The following GBP4 variants were observed in gnomAD, a reference collection of about 807,000 sequenced individuals.
GBP4 encodes guanylate-binding protein 4.
GBP4 carries 69 observed loss-of-function variants against 62.2 expected under a neutral mutation model. The ratio of observed to expected loss-of-function variants is 1.11; its 90% CI spans 0.91 to 1.36. The LOEUF is 1.36. GBP4 is among the 40% of genes most tolerant of loss of function. GBP4 has a pLI of 0.00. For missense variants in GBP4, 697 were observed against 759.3 expected, an observed-to-expected ratio of 0.92 and a Z score of 0.96; for synonymous variants, 278 against 274.6, an observed-to-expected ratio of 1.01 and a Z score of -0.12.
In GBP4 at chr1:89,181,530, TATAAA is replaced by T. The variant is rs1403223568; in HGVS notation, c.*3719_*3723del. The T allele has an allele frequency of 3.3e-5, 5 of 152,152 alleles. No individual in the cohort carries two copies. The highest frequency in any genetic ancestry group is 7.2e-5 in the African/African-American group (3 of 41,440). 9.4% of individuals were successfully genotyped at this position (152,152 alleles called of 1,614,324 possible). A position where few individuals can be genotyped will look rare whatever the true frequency, so the allele number is the denominator to read the frequency against. On this transcript the variant is annotated 3_prime_UTR_variant, in exon 11 of 11. Transcript: ENST00000355754. ...ACATTTAGTATATTTACTAAATAGA[TATAAA>T]ATATATTTACTAACTATAAGTATAT...
chr1:89,187,105 G>A lies in GBP4; in HGVS notation c.1411-3C>T, dbSNP rs1457813540. On this transcript the variant is annotated splice_region_variant and splice_polypyrimidine_tract_variant and intron_variant, in intron 8 of 10. Transcript: ENST00000355754. Reference sequence around the variant, plus strand: ...AAGTTCTGGAGGACCTCGTTTGCCTGAGGAACCAAGAAAGAGCAAAGACCT... The same window carrying A: ...AAGTTCTGGAGGACCTCGTTTGCCTAAGGAACCAAGAAAGAGCAAAGACCT... The A allele has an allele frequency of 1.2e-6, 2 of 1,613,378 alleles. No individual in the cohort carries two copies. Among genetic ancestry groups the A allele is most frequent in the Non-Finnish European group, 8.5e-7 (1 of 1,179,488 alleles).
intron 3 of GBP4, 140 bp downstream of exon 3, chr1:89,195,157 G>A (rs1266629749): frequency 1.2e-6 from 1 of 820,016 alleles, no homozygotes. Flanking sequence ...AAATTAATAA[G>A]GAAGTCTGAG....
chr1:89,190,014 A>G lies in GBP4; in HGVS notation c.1197+24T>C, dbSNP rs369843962. 1.2e-4 allele frequency: 198 copies of G among 1,585,850 alleles called. No individual in the cohort carries two copies. In the Middle Eastern group the frequency reaches 1.4e-3, roughly 11 times the overall value. Reference sequence around the variant, plus strand: ...GCATCATTTCGGAAGGGCAGAAATCAGGAAGGATAAATGCTAAAAGTACCA... The same window carrying G: ...GCATCATTTCGGAAGGGCAGAAATCGGGAAGGATAAATGCTAAAAGTACCA... On this transcript the variant is annotated intron_variant, in intron 7 of 10. Transcript: ENST00000355754.
chr1:89,193,726 A>C (rs1218851845), intron 3 of GBP4, among the ~76,000 whole-genome samples: 1 of 152,210 alleles, frequency 6.6e-6, no homozygotes, highest in East Asian at 1.9e-4. Context: ...CTCATGGCAT[A>C]TTAAGGCCAC....
intron 3 of GBP4, among the ~76,000 whole-genome samples, chr1:89,195,059 A>T (rs999876892): frequency 7.2e-5 from 11 of 152,226 alleles, no homozygotes; most frequent in Non-Finnish European, 1.3e-4. Context: ...CCTGGAATTC[A>T]TCTCTTCAAT....
In GBP4 at chr1:89,192,953, G is replaced by C; in HGVS notation, c.621C>G (p.Asn207Lys). ...CCAGGTACTCATCTTCTGTGATGGGGTTTCCATCTAACTTTAGCTCCAGGG... is the reference window on the plus strand; with the variant it reads ...CCAGGTACTCATCTTCTGTGATGGGCTTTCCATCTAACTTTAGCTCCAGGG... ...DFTLELKLDG[N>K]PITEDEYLEN... Residue 207 changes from asparagine to lysine, a missense_variant, in exon 5 of 11, where the codon AAC (asparagine) becomes AAG (lysine). By Grantham distance (94) the Asn-to-Lys change is moderately conservative. Transcript: ENST00000355754. The C allele has an allele frequency of 1.9e-6, 3 of 1,614,142 alleles. No individual in the cohort carries two copies. The highest frequency in any genetic ancestry group is 2.5e-6 in the Non-Finnish European group (3 of 1,180,016).
In GBP4 at chr1:89,191,312, T is replaced by C. The variant is rs1002752639; in HGVS notation, c.865A>G (p.Thr289Ala). The change falls in exon 6 of 11, where the codon ACC becomes GCC. Residue 289 changes from threonine (T) to alanine (A), a missense_variant. Transcript: ENST00000355754. ...QSDNFCSYIF[T>A]HAKTKTLREG... ...CTCAGGGTCTTGGTCTTTGCATGGG[T>C]GAAGATATAAGAACAGAAGTTGTCT... is the stretch of plus-strand genomic sequence containing the variant. The C allele has an allele frequency of 1.2e-6, 2 of 1,614,016 alleles. No homozygotes were observed. The highest frequency in any genetic ancestry group is 1.3e-5 in the African/African-American group (1 of 74,902).
intron 6 of GBP4, 129 bp from the exon 7 acceptor site, chr1:89,190,447 T>C: frequency 6.2e-6 from 4 of 641,248 alleles, no homozygotes; most frequent in Non-Finnish European, 9.8e-6. Context: ...CTTTATTCTC[T>C]TCCTCCTCCT....
chr1:89,193,451 CTTCA>C (rs10699048), intron 3 of GBP4, 39 bp from the exon 4 acceptor site: 97 of 1,490,964 alleles, frequency 6.5e-5, no homozygotes, highest in South Asian at 1.1e-4. Context: ...GGAGTATTCT[CTTCA>C]TTCATTCATT....
At position 89,187,074 on chromosome 1, in the gene GBP4, T is replaced by C; in HGVS notation, c.1439A>G (p.Gln480Arg). The change falls in exon 9 of 11, where the codon CAG becomes CGG. Residue 480 changes from glutamine (Q) to arginine (R), a missense_variant. Physicochemically the swap from Gln to Arg is conservative, Grantham distance 43. Transcript: ENST00000355754. ...KANEVLQNFL[Q>R]SQVVVEESIL... The stretch of plus-strand genomic sequence containing the variant: ...GGATTCCTCTACAACCACCTGTGAC[T>C]GCAGGAAGTTCTGGAGGACCTCGTT... The C allele has an allele frequency of 1.2e-6, 2 of 1,614,158 alleles. No homozygotes were observed. Among genetic ancestry groups the C allele is most frequent in the East Asian group, 2.2e-5 (1 of 44,890 alleles).
At chr1:89,198,616 A>G (rs953051740) in intron 1 of GBP4, 179 bp downstream of exon 1, 1 of 644,660 alleles carries the variant, frequency 1.6e-6, no homozygotes, top group Non-Finnish European at 2.8e-6. Context: ...GGCCACACGG[A>G]GCAAAGCACT....
At chr1:89,190,403 A>C in intron 6 of GBP4, 85 bp from the exon 7 acceptor site, 2 of 1,235,364 alleles carry the variant, frequency 1.6e-6, no homozygotes, top group Non-Finnish European at 2.2e-6. Flanking sequence ...AAAAATTACA[A>C]AAATTCTAAT....
intron 6 of GBP4, 48 bp from the exon 7 acceptor site, chr1:89,190,366 T>A (rs1210276515): frequency 6.8e-7 from 1 of 1,480,542 alleles, no homozygotes; most frequent in East Asian, 2.3e-5. Flanking sequence ...ACTCATTATT[T>A]ATACAAGTTT....
Position 89,193,075 on chromosome 1 carries a change from T to A in GBP4, c.499A>T (p.Ile167Phe). 2 of 1,614,196 alleles carry A rather than the reference T, an allele frequency of 1.2e-6. No homozygotes were observed. Among genetic ancestry groups the A allele is most frequent in the Non-Finnish European group, 1.7e-6 (2 of 1,180,012 alleles). The change falls in exon 5 of 11, where the codon ATC (isoleucine) becomes TTC (phenylalanine). Residue 167 changes from isoleucine to phenylalanine, a missense_variant. Coordinates refer to ENST00000355754, the MANE Select transcript of GBP4 (RefSeq NM_052941.5). ...LHYVTELAEL[I>F]RAKSCPRPDE... ...GGTCTGGGGCAGGATTTTGCCCTGA[T>A]TAGCTCTGCTAGCTCAGTCACATAG...
At position 89,184,227 on chromosome 1, in the gene GBP4, A is replaced by G. The variant is rs1270295478; in HGVS notation, c.*1027T>C. The G allele has an allele frequency of 1.3e-5, 2 of 152,250 alleles. No individual in the cohort carries two copies. The highest frequency in any genetic ancestry group is 2.9e-5 in the Non-Finnish European group (2 of 68,046). The allele number at this position is 152,250 out of a possible 1,614,324, so 9.4% of individuals were successfully genotyped here. Reference sequence around the variant, plus strand: ...CTGGCAAGGTTGTGGAGAAAATGGAACACATACACTGTTGGTGGGAGTGTA... The same window carrying G: ...CTGGCAAGGTTGTGGAGAAAATGGAGCACATACACTGTTGGTGGGAGTGTA... On this transcript the variant is annotated 3_prime_UTR_variant, in exon 11 of 11. Transcript: ENST00000355754.
intron 8 of GBP4, among the ~76,000 whole-genome samples, chr1:89,187,483 C>T (rs1049903978): frequency 3.9e-5 from 6 of 152,096 alleles, no homozygotes; most frequent in African/African-American, 1.4e-4. Context: ...AGTGGGACTA[C>T]ATCAAACTAA....
rs747964317 is a variant in GBP4, at chr1:89,188,637, T to C, written c.1355A>G (p.Glu452Gly). The C allele has an allele frequency of 2.5e-6, 4 of 1,614,212 alleles. No homozygotes were observed. Among genetic ancestry groups the C allele is most frequent in the Non-Finnish European group, 2.5e-6 (3 of 1,180,024 alleles). ...GTCCCACTCAACCTGTTTCTTTTCT[T>C]CTAAGTAGAGATTGTGTCCTCCAGG... ...SVPGGHNLYL[E>G]EKKQVEWDYK... Residue 452 changes from glutamate to glycine, a missense_variant, in exon 8 of 11, where the codon GAA becomes GGA. Glu to Gly is a moderately conservative substitution (Grantham distance 98). This residue lies in a region of GBP4 where 556 missense variants were observed against 562.7 expected (regional missense o/e 0.99). Coordinates refer to ENST00000355754, the MANE Select transcript of GBP4 (RefSeq NM_052941.5).
chr1:89,190,096 G>A lies in GBP4; in HGVS notation c.1139C>T (p.Ala380Val), dbSNP rs1361075624. The change falls in exon 7 of 11, where the codon GCA (alanine) becomes GTA (valine). Residue 380 changes from alanine (A) to valine (V), a missense_variant. By Grantham distance (64) the Ala-to-Val change is moderately conservative. Around this residue, in one of 2 missense-constraint regions of GBP4, gnomAD observed 556 missense variants for 562.7 expected, o/e 0.99. Transcript: ENST00000355754. Reference protein sequence around the residue: ...VHAACEREAIAVFMEHSFKDE... With the variant: ...VHAACEREAIVVFMEHSFKDE... Reference sequence around the variant, plus strand: ...CTTGAAGGAGTGCTCCATGAAGACTGCAATGGCTTCCCTCTCACAGGCTGC... The same window carrying A: ...CTTGAAGGAGTGCTCCATGAAGACTACAATGGCTTCCCTCTCACAGGCTGC... The A allele has an allele frequency of 6.2e-7, 1 of 1,614,126 alleles. No individual in the cohort carries two copies. Among genetic ancestry groups the A allele is most frequent in the Admixed American group, 1.7e-5 (1 of 60,022 alleles).
Position 89,193,106 on chromosome 1 carries a change from A to G in GBP4, c.474-6T>C, listed in dbSNP as rs1288122998. On this transcript the variant is annotated splice_region_variant and splice_polypyrimidine_tract_variant and intron_variant, in intron 4 of 10. Coordinates refer to ENST00000355754, the MANE Select transcript of GBP4 (RefSeq NM_052941.5). ...CTGCTAGCTCAGTCACATAGCTGGG[A>G]TCTCAGCTAAGGAAGGATAGCACCC... 2 of 1,613,476 alleles carry G rather than the reference A, an allele frequency of 1.2e-6. No individual in the cohort carries two copies. The highest frequency in any genetic ancestry group is 1.7e-5 in the Admixed American group (1 of 59,976).
Sources: gnomAD v4.1 joint callset for allele counts (sites outside exome capture counted in the v4.1 genomes callset) on GRCh38, gnomAD v4.1.1 for gene constraint, gnomAD v4.1.1 regional missense constraint, MANE v1.5 for transcripts, NCBI Gene and HGNC (gene_info 2026-07-23, HGNC 2026-07-21) for gene names.